Variants in FBXL7 observed in about 807,000 individuals in gnomAD.
The protein encoded by FBXL7 is F-box and leucine rich repeat protein 7.
A neutral mutation model predicts 38.3 loss-of-function variants in FBXL7; 12 were observed. The ratio of observed to expected loss-of-function variants is 0.31; its 90% CI spans 0.20 to 0.51. The LOEUF is 0.51. FBXL7 is among the 20% of genes least tolerant of loss of function. FBXL7 has a pLI of 0.98. For synonymous variants in FBXL7, 297 were observed against 300.9 expected, an observed-to-expected ratio of 0.99 and a Z score of 0.13; for missense variants, 567 against 676.4, an observed-to-expected ratio of 0.84 and a Z score of 1.79.
intron 2 of FBXL7, among the ~76,000 whole-genome samples, chr5:15,624,621 C>T (rs1292538517): frequency 6.6e-6 from 1 of 152,182 alleles, no homozygotes. Context: ...GAAAATGTAG[C>T]ATTCCTACAC....
rs577628288 is a variant in FBXL7 at position 15,514,713 on chromosome 5, C to T, written c.37+14000C>T. ...AGAGTGGCTGCCCTACTCGTCTGTA[C>T]AGATGGCCTCTTCAGGACTGACATG... On this transcript the variant is annotated intron_variant, in intron 1 of 3. Transcript: ENST00000504595. Among the ~76,000 whole-genome samples the T allele has an allele frequency of 2.3e-3, 346 of 152,292 alleles. 1 individual carries two copies. The highest frequency in any genetic ancestry group is 7.3e-3 in the African/African-American group (305 of 41,550).
chr5:15,927,802 A>T, intron 2 of FBXL7, 88 bp from the exon 3 acceptor site: 4 of 992,120 alleles, frequency 4.0e-6, no homozygotes, highest in African/African-American at 1.8e-5. Context: ...AAGAAAGAAA[A>T]GAAAAGAAAG....
intron 2 of FBXL7, among the ~76,000 whole-genome samples, chr5:15,688,742 C>A (rs1029778947): frequency 1.6e-4 from 24 of 152,298 alleles, no homozygotes; most frequent in African/African-American, 5.8e-4. Flanking sequence ...AGGTTTCTGA[C>A]CATCAGCAAG....
rs572437099 is a variant in FBXL7, at chr5:15,824,477, G to A, written c.128-103413G>A. On this transcript the variant is annotated intron_variant, in intron 2 of 3. Transcript: ENST00000504595. ...TGTTTGCTTTGCTTGTGACCGTGGC[G>A]CCCTCTACTGTTCTTCAGAGTTGCT... 6.6e-5 allele frequency among the ~76,000 whole-genome samples: 10 copies of A among 151,936 alleles called. No homozygotes were observed. In the East Asian group the frequency reaches 7.7e-4, roughly 12 times the overall value.
chr5:15,868,234 A>G lies in FBXL7; in HGVS notation c.128-59656A>G, dbSNP rs370810224. Reference sequence around the variant, plus strand: ...CAGGAACCTACAACCTGCAAAGCCAAGTCCTACAGTGGAATTCTGTCAACA... The same window carrying G: ...CAGGAACCTACAACCTGCAAAGCCAGGTCCTACAGTGGAATTCTGTCAACA... On this transcript the variant is annotated intron_variant, in intron 2 of 3. Coordinates refer to ENST00000504595, the MANE Select transcript of FBXL7 (RefSeq NM_012304.5). Among the ~76,000 whole-genome samples the G allele has an allele frequency of 2.3e-3, 358 of 152,360 alleles. 1 individual carries two copies. Among genetic ancestry groups the G allele is most frequent in the African/African-American group, 8.2e-3 (341 of 41,584 alleles).
At chr5:15,705,620 G>A (rs1743658709) in intron 2 of FBXL7, among the ~76,000 whole-genome samples, 1 of 152,174 alleles carries the variant, frequency 6.6e-6, no homozygotes. Flanking sequence ...TGTTCTAGAT[G>A]TTCAAAATAG....
At chr5:15,850,507 T>C (rs1295225397) in intron 2 of FBXL7, among the ~76,000 whole-genome samples, 1 of 152,230 alleles carries the variant, frequency 6.6e-6, no homozygotes, top group African/African-American at 2.4e-5. Context: ...TTTATCCATG[T>C]CATTTACAGG....
chr5:15,714,345 A>G (rs891860346), intron 2 of FBXL7, among the ~76,000 whole-genome samples: 2 of 152,094 alleles, frequency 1.3e-5, no homozygotes, highest in Non-Finnish European at 2.9e-5. Context: ...GCCTTCTTCC[A>G]TGACTGTGAG....
chr5:15,555,784 G>GAGATAGATAAAT (rs369000608), intron 1 of FBXL7, among the ~76,000 whole-genome samples: 12,182 of 139,742 alleles, frequency 0.087, 582 homozygotes, highest in African/African-American at 0.13. Context: ...AAGGGTAGAT[G>GAGATAGATAAAT]AGATAGATAG....
At chr5:15,683,661 C>T (rs1052470083) in intron 2 of FBXL7, among the ~76,000 whole-genome samples, 1 of 152,144 alleles carries the variant, frequency 6.6e-6, no homozygotes, top group Non-Finnish European at 1.5e-5. Context: ...GTAATGCTCC[C>T]CACCCCTCTA....
intron 1 of FBXL7, among the ~76,000 whole-genome samples, chr5:15,578,853 A>T (rs1338446359): frequency 6.6e-6 from 1 of 152,212 alleles, no homozygotes; most frequent in African/African-American, 2.4e-5. Flanking sequence ...ATATCTTTGG[A>T]TTGGATAAGT....
At chr5:15,700,340 G>A (rs895899917) in intron 2 of FBXL7, among the ~76,000 whole-genome samples, 7 of 152,168 alleles carry the variant, frequency 4.6e-5, no homozygotes, top group Admixed American at 3.3e-4. Context: ...AGCCAAAAGC[G>A]TTCCTTGCTG....
intron 2 of FBXL7, among the ~76,000 whole-genome samples, chr5:15,725,957 G>A (rs1198734884): frequency 6.6e-6 from 1 of 152,138 alleles, no homozygotes; most frequent in African/African-American, 2.4e-5. Context: ...ATTATTGAGA[G>A]TAGGGTATTC....
intron 2 of FBXL7, among the ~76,000 whole-genome samples, chr5:15,763,797 A>G (rs1236988605): frequency 6.6e-6 from 1 of 152,204 alleles, no homozygotes; most frequent in Non-Finnish European, 1.5e-5. Flanking sequence ...CCAATAAAAA[A>G]CATACAGATA....
At chr5:15,660,530 A>G (rs903595132) in intron 2 of FBXL7, among the ~76,000 whole-genome samples, 1 of 151,816 alleles carries the variant, frequency 6.6e-6, no homozygotes, top group Non-Finnish European at 1.5e-5. Context: ...CTAATTTTGT[A>G]TTTTTTTGGT....
chr5:15,751,246 A>G (rs1290256341), intron 2 of FBXL7, among the ~76,000 whole-genome samples: 1 of 88,510 alleles, frequency 1.1e-5, no homozygotes, highest in Non-Finnish European at 2.9e-5. Context: ...GCCCAGTGGT[A>G]AAAATTTTTC....
At chr5:15,913,028 C>G (rs768307960) in intron 2 of FBXL7, among the ~76,000 whole-genome samples, 1 of 152,130 alleles carries the variant, frequency 6.6e-6, no homozygotes, top group African/African-American at 2.4e-5. Context: ...TTCTTTCTCT[C>G]TATATTTGAT....
At chr5:15,924,052 C>G (rs1380327888) in intron 2 of FBXL7, among the ~76,000 whole-genome samples, 2 of 152,126 alleles carry the variant, frequency 1.3e-5, no homozygotes, top group Non-Finnish European at 2.9e-5. Context: ...CACCTGCCTC[C>G]AAGAAACACT....
chr5:15,923,379 A>C (rs1482680541), intron 2 of FBXL7, among the ~76,000 whole-genome samples: 1 of 152,200 alleles, frequency 6.6e-6, no homozygotes, highest in Admixed American at 6.5e-5. Flanking sequence ...TTTTCCTGCT[A>C]TAGAGACATA....
Sources: gnomAD v4.1 joint callset for allele counts (sites outside exome capture counted in the v4.1 genomes callset) on GRCh38, gnomAD v4.1.1 for gene constraint, MANE v1.5 for transcripts, NCBI Gene and HGNC (gene_info 2026-07-23, HGNC 2026-07-21) for gene names.